The following IMPA1 variants were observed in gnomAD, a reference collection of about 807,000 sequenced individuals.
IMPA1 encodes D-galactose 1-phosphate phosphatase.
A neutral mutation model predicts 34.9 loss-of-function variants in IMPA1; 21 were observed. That is an observed-to-expected ratio of 0.60 (90% CI 0.43 to 0.87). The LOEUF (loss-of-function observed/expected upper bound fraction) is 0.87, where lower values mean the gene tolerates loss of function less well. IMPA1 is among the 40% of genes least tolerant of loss of function. IMPA1 has a pLI of 0.00. For synonymous variants in IMPA1, 95 were observed against 104.4 expected (o/e 0.91, Z 0.55); for missense variants, 299 against 336.4 (o/e 0.89, Z 0.87).
intron 6 of IMPA1, among the ~76,000 whole-genome samples, chr8:81,673,206 T>C (rs904782277): frequency 1.3e-5 from 2 of 152,224 alleles, no homozygotes; most frequent in African/African-American, 2.4e-5. Flanking sequence ...GAGAAAGTCA[T>C]CCCTCTGCTC....
At chr8:81,685,306 ATATT>A (rs1159647250) in intron 1 of IMPA1, among the ~76,000 whole-genome samples, 12 of 137,260 alleles carry the variant, frequency 8.7e-5, no homozygotes, top group Non-Finnish European at 1.7e-4. Context: ...TATACATAGT[ATATT>A]TATGTACTAT....
chr8:81,664,232 T>G (rs1023781093), intron 7 of IMPA1, among the ~76,000 whole-genome samples: 1 of 152,138 alleles, frequency 6.6e-6, no homozygotes, highest in Non-Finnish European at 1.5e-5. Flanking sequence ...GCATGACGAT[T>G]TTGAAACTCC....
intron 7 of IMPA1, among the ~76,000 whole-genome samples, chr8:81,669,030 T>C (rs1806914210): frequency 6.6e-6 from 1 of 152,122 alleles, no homozygotes; most frequent in Non-Finnish European, 1.5e-5. Flanking sequence ...CAAGCTTGCA[T>C]AAAGGAAGAG....
chr8:81,679,444 C>T (rs1807227194), intron 3 of IMPA1, among the ~76,000 whole-genome samples: 1 of 152,064 alleles, frequency 6.6e-6, no homozygotes, highest in Non-Finnish European at 1.5e-5. Context: ...GAAACCCCAT[C>T]TCTATTAAAA....
intron 7 of IMPA1, among the ~76,000 whole-genome samples, chr8:81,662,581 G>A (rs540013446): frequency 6.6e-6 from 1 of 152,230 alleles, no homozygotes; most frequent in South Asian, 2.1e-4. Context: ...ATACAGCTGT[G>A]GTCCGCCTAT....
chr8:81,661,000 A>G (rs1420212581), intron 7 of IMPA1, among the ~76,000 whole-genome samples: 3 of 152,216 alleles, frequency 2.0e-5, no homozygotes, highest in Non-Finnish European at 4.4e-5. Context: ...ACTAAAGCTT[A>G]TATTATTTTA....
At chr8:81,684,641 TACAC>T in intron 1 of IMPA1, among the ~76,000 whole-genome samples, 1 of 126,436 alleles carries the variant, frequency 7.9e-6, no homozygotes, top group African/African-American at 2.9e-5. Flanking sequence ...GTATATATAC[TACAC>T]ATAAGTATAT....
At chr8:81,681,438 C>A in intron 2 of IMPA1, 60 bp downstream of exon 2, 4 of 932,760 alleles carry the variant, frequency 4.3e-6, no homozygotes, top group Non-Finnish European at 5.2e-6. Context: ...AAGGCAACAA[C>A]ACAGTATACC....
rs1806550974 is a variant in IMPA1, at chr8:81,657,550, C to G, written c.*1801G>C. 6.6e-6 allele frequency among the ~76,000 whole-genome samples: 1 copy of G among 152,062 alleles called. No homozygotes were observed. The highest frequency in any genetic ancestry group is 2.1e-4 in the South Asian group (1 of 4,828). On this transcript the variant is annotated 3_prime_UTR_variant, in exon 9 of 9. Coordinates refer to ENST00000256108, the MANE Select transcript of IMPA1 (RefSeq NM_005536.4). ...GAATGGTGATCATGCCACTGCATTA[C>G]TGTTTGAGCAGAAGAGCAAGACACT...
intron 4 of IMPA1, among the ~76,000 whole-genome samples, chr8:81,677,281 G>A (rs997014871): frequency 6.6e-5 from 10 of 152,154 alleles, no homozygotes; most frequent in African/African-American, 2.2e-4. Flanking sequence ...TTTACGTAGA[G>A]ACGGGGTTTC....
In IMPA1 at chr8:81,680,649, C is replaced by T; in HGVS notation, c.197+1G>A. ...TTCTTGTACACAGTAAATAAAAATA[C>T]CTGTGAGATGGATACTTTTCCTTTA... On this transcript the variant is annotated splice_donor_variant, in intron 3 of 8. Coordinates refer to ENST00000256108, the MANE Select transcript of IMPA1 (RefSeq NM_005536.4). LOFTEE classifies it high-confidence loss of function. The T allele has an allele frequency of 6.2e-7, 1 of 1,603,442 alleles. No individual in the cohort carries two copies. The highest frequency in any genetic ancestry group is 8.5e-7 in the Non-Finnish European group (1 of 1,172,904).
intron 4 of IMPA1, among the ~76,000 whole-genome samples, chr8:81,678,429 C>T (rs1440385223): frequency 1.3e-5 from 2 of 152,116 alleles, no homozygotes; most frequent in Non-Finnish European, 1.5e-5. Context: ...CAGTGGTTCA[C>T]GCCTGTAATC....
Position 81,681,046 on chromosome 8 carries a change from G to A in IMPA1, c.64-263C>T, listed in dbSNP as rs564694624. Among the ~76,000 whole-genome samples the A allele has an allele frequency of 7.2e-5, 11 of 152,112 alleles. No individual in the cohort carries two copies. The South Asian group carries it at 1.9e-3, about 26-fold the overall frequency. ...TATCATATAAAATTAGGGTATACAC[G>A]CAAGAGTATTTAGTAAAATGAAAAT... On this transcript the variant is annotated intron_variant, in intron 2 of 8. Transcript: ENST00000256108.
At chr8:81,680,388 TG>T (rs1807262766) in intron 3 of IMPA1, among the ~76,000 whole-genome samples, 4 of 152,200 alleles carry the variant, frequency 2.6e-5, no homozygotes, top group African/African-American at 9.6e-5. Flanking sequence ...AGCTACTCTG[TG>T]AAGAGGCTAC....
In IMPA1 at chr8:81,657,178, T is replaced by C. The variant is rs916677422; in HGVS notation, c.*2173A>G. ...ATTTAGAATAAACAGATGGAAAAGC[T>C]ATTGTAGAAAAAAATATAGGTTTTT... On this transcript the variant is annotated 3_prime_UTR_variant, in exon 9 of 9. Transcript: ENST00000256108. 1.3e-5 allele frequency among the ~76,000 whole-genome samples: 2 copies of C among 152,202 alleles called. No individual in the cohort carries two copies. The highest frequency in any genetic ancestry group is 4.8e-5 in the African/African-American group (2 of 41,456).
At chr8:81,661,113 GCAA>G (rs1806662231) in intron 7 of IMPA1, among the ~76,000 whole-genome samples, 1 of 152,176 alleles carries the variant, frequency 6.6e-6, no homozygotes, top group South Asian at 2.1e-4. Context: ...TGTGCCTAAA[GCAA>G]CAACAGCATG....
chr8:81,660,620 G>A lies in IMPA1; in HGVS notation c.614C>T (p.Thr205Ile). The A allele has an allele frequency of 6.2e-7, 1 of 1,613,010 alleles. No homozygotes were observed. Among genetic ancestry groups the A allele is most frequent in the Non-Finnish European group, 8.5e-7 (1 of 1,179,122 alleles). ...TTCATAATATGCATCTGCTCCGCCA[G>A]TTGCCACAAGGCACATATTAACAGC... ...TAAVNMCLVATGGADAYYEMG... is the reference protein window; with the variant it reads ...TAAVNMCLVAIGGADAYYEMG... The change falls in exon 8 of 9, where the codon ACT becomes ATT. Residue 205 changes from threonine (T) to isoleucine (I), a missense_variant. Coordinates refer to ENST00000256108, the MANE Select transcript of IMPA1 (RefSeq NM_005536.4).
chr8:81,679,235 A>C lies in IMPA1; in HGVS notation c.198-5T>G. The C allele has an allele frequency of 6.3e-7, 1 of 1,586,726 alleles. No individual in the cohort carries two copies. The highest frequency in any genetic ancestry group is 8.7e-7 in the Non-Finnish European group (1 of 1,155,090). On this transcript the variant is annotated splice_region_variant and splice_polypyrimidine_tract_variant and intron_variant, in intron 3 of 8. Coordinates refer to ENST00000256108, the MANE Select transcript of IMPA1 (RefSeq NM_005536.4). ...ACAGATTCTTCACCAATGAAACTAA[A>C]AGCCAAGTAGGACAAACTCTTAATC...
At chr8:81,669,902 G>C in intron 7 of IMPA1, among the ~76,000 whole-genome samples, 1 of 152,180 alleles carries the variant, frequency 6.6e-6, no homozygotes, top group East Asian at 1.9e-4. Flanking sequence ...ATAGATTAAT[G>C]AGTCATCATA....
Sources: allele counts gnomAD v4.1 joint callset (sites outside exome capture counted in the v4.1 genomes callset), GRCh38; gene constraint gnomAD v4.1.1; transcripts MANE v1.5; gene names NCBI Gene and HGNC (gene_info 2026-07-23, HGNC 2026-07-21).